The following ZMYM6 variants were observed in gnomAD, a reference collection of about 807,000 sequenced individuals.
The protein encoded by ZMYM6 is zinc finger MYM-type containing 6.
In ZMYM6, 90 loss-of-function variants were observed where a neutral mutation model predicts 134.0. The ratio of observed to expected loss-of-function variants is 0.67; its 90% CI spans 0.57 to 0.80. The LOEUF is 0.80. Among genes scored for constraint, ZMYM6 ranks in the 30% least tolerant of loss-of-function variants. The pLI, the probability that ZMYM6 is intolerant of heterozygous loss-of-function variation, is 0.00. For synonymous variants in ZMYM6, 481 were observed against 524.1 expected, an observed-to-expected ratio of 0.92 and a Z score of 1.12; for missense variants, 1,362 against 1,533.9, an observed-to-expected ratio of 0.89 and a Z score of 1.87.
intron 14 of ZMYM6, among the ~76,000 whole-genome samples, chr1:34,992,597 C>CATTTATAAATATAAATATAAAAATAT (rs1640697258): frequency 8.1e-6 from 1 of 123,240 alleles, no homozygotes; most frequent in African/African-American, 4.5e-5. Flanking sequence ...TTTTAAAAAA[C>CATTTATAAATATAAATATAAAAATAT]ATTTATAAAT....
intron 14 of ZMYM6, among the ~76,000 whole-genome samples, chr1:34,996,653 C>T (rs1447111238): frequency 1.3e-5 from 2 of 152,188 alleles, no homozygotes; most frequent in African/African-American, 2.4e-5. Context: ...ATATTTGAGA[C>T]TGCTCTATGT....
chr1:35,017,875 T>C (rs1216032025), intron 4 of ZMYM6: 1 of 152,182 alleles, frequency 6.6e-6, no homozygotes, highest in Non-Finnish European at 1.5e-5. Flanking sequence ...GTATAAGTTG[T>C]GTTATGTTCT....
chr1:35,023,619 T>TA (rs1401758537), intron 2 of ZMYM6, among the ~76,000 whole-genome samples: 15 of 150,688 alleles, frequency 1.0e-4, no homozygotes, highest in African/African-American at 3.7e-4. Context: ...TAAGATTCAA[T>TA]AAAATTTTTT....
At chr1:35,025,497 A>G (rs1476447689) in intron 2 of ZMYM6, among the ~76,000 whole-genome samples, 10 of 151,626 alleles carry the variant, frequency 6.6e-5, no homozygotes, top group Admixed American at 3.9e-4. Flanking sequence ...AAGAAAGAAA[A>G]AAAAAAGGTG....
intron 7 of ZMYM6, 54 bp from the exon 8 acceptor site, chr1:35,012,059 T>C (rs1056964507): frequency 9.1e-7 from 1 of 1,099,412 alleles, no homozygotes; most frequent in Admixed American, 2.3e-5. Context: ...GAACAAACAA[T>C]ACAAAAATGT....
intron 15 of ZMYM6, among the ~76,000 whole-genome samples, chr1:34,990,481 T>TCAAAAA (rs1441329962): frequency 1.3e-5 from 2 of 151,896 alleles, no homozygotes; most frequent in Admixed American, 6.6e-5. Flanking sequence ...AGACTCTGTC[T>TCAAAAA]CAAAAACAAA....
chr1:34,999,889 A>C (rs750353393), intron 14 of ZMYM6, among the ~76,000 whole-genome samples: 6 of 152,190 alleles, frequency 3.9e-5, no homozygotes, highest in Non-Finnish European at 8.8e-5. Context: ...CTACACACAC[A>C]GGAGACATAT....
chr1:35,027,329 G>A (rs1641432385), intron 2 of ZMYM6, among the ~76,000 whole-genome samples: 1 of 152,166 alleles, frequency 6.6e-6, no homozygotes, highest in South Asian at 2.1e-4. Flanking sequence ...AGGAAACAGG[G>A]TCTTTAAAGG....
chr1:35,021,241 A>G (rs957248561), intron 2 of ZMYM6, among the ~76,000 whole-genome samples: 1 of 150,832 alleles, frequency 6.6e-6, no homozygotes, highest in East Asian at 2.0e-4. Context: ...CCCAGGTTCA[A>G]GCGATTCTCC....
intron 14 of ZMYM6, among the ~76,000 whole-genome samples, chr1:35,002,443 T>G (rs1640896389): frequency 6.6e-6 from 1 of 152,232 alleles, no homozygotes; most frequent in Admixed American, 6.5e-5. Context: ...TTTGTCTCAC[T>G]GTCACCTCTT....
chr1:34,991,599 G>A (rs549421037), intron 15 of ZMYM6, among the ~76,000 whole-genome samples: 65 of 152,030 alleles, frequency 4.3e-4, no homozygotes, highest in Non-Finnish European at 5.3e-4. Flanking sequence ...ATGAAACCCC[G>A]TCTCTACTAA....
chr1:35,007,817 C>T (rs1195966031), intron 11 of ZMYM6, among the ~76,000 whole-genome samples: 1 of 143,182 alleles, frequency 7.0e-6, no homozygotes, highest in African/African-American at 2.5e-5. Context: ...TTCTGTCTGG[C>T]TGGGGGATGG....
chr1:34,989,058 G>A (rs1198540961), intron 15 of ZMYM6, 123 bp from the exon 16 acceptor site: 1 of 1,475,470 alleles, frequency 6.8e-7, no homozygotes, highest in Non-Finnish European at 8.9e-7. Context: ...AGAATGCACT[G>A]GTAAAAGTTT....
At position 34,987,459 on chromosome 1, in the gene ZMYM6, A is replaced by G. The variant is rs773771620; in HGVS notation, c.3623T>C (p.Leu1208Ser). 2.5e-6 allele frequency: 4 copies of G among 1,613,906 alleles called. No individual in the cohort carries two copies. The Admixed American group carries it at 6.7e-5, about 27-fold the overall frequency. Residue 1208 changes from leucine to serine, a missense_variant, in exon 16 of 16, where the codon TTG becomes TCG. By Grantham distance (145) the Leu-to-Ser change is moderately radical. Transcript: ENST00000357182. The stretch of plus-strand genomic sequence containing the variant: ...AATTATCCACAAATTTCCTGAACGC[A>G]AGTCTTGTTCTGGTGGAAAACAGTC... ...FSDCFPPEQD[L>S]RSGNLWIIHP...
intron 6 of ZMYM6, chr1:35,013,269 G>A (rs1238364473): frequency 1.2e-6 from 1 of 807,008 alleles, no homozygotes; most frequent in Non-Finnish European, 1.5e-6. Context: ...TAAATTAACA[G>A]ATGAGCAGAA....
chr1:35,030,601 C>G lies in ZMYM6; in HGVS notation c.39G>C (p.Val13=). Residue 13 remains valine (V), a synonymous_variant, in exon 2 of 16, where the codon GTG becomes GTC. Coordinates refer to ENST00000357182, the MANE Select transcript of ZMYM6 (RefSeq NM_007167.4). ...EPLDGECGKA[V]VPQQELLDKI... is the part of the protein sequence containing the mutation. ...TGTCCAGAAGCTCCTGCTGTGGTAC[C>G]ACTGCTTTGCCACATTCACCATCCA... is the stretch of plus-strand genomic sequence containing the variant. 6.2e-7 allele frequency: 1 copy of G among 1,613,714 alleles called. No individual in the cohort carries two copies. The highest frequency in any genetic ancestry group is 8.5e-7 in the Non-Finnish European group (1 of 1,179,996).
rs1361930549 is a variant in ZMYM6 at position 34,987,167 on chromosome 1, G to C, written c.3915C>G (p.Ala1305=). ...KQKNLLGSGP[A]LRLAVTSLIP... is the part of the protein sequence containing the mutation. ...TTAAAGATGTGACTGCAAGTCTTAG[G>C]GCAGGGCCAGAACCCAACAGATTTT... Residue 1305 remains alanine (A), a synonymous_variant, in exon 16 of 16, where the codon GCC becomes GCG. Coordinates refer to ENST00000357182, the MANE Select transcript of ZMYM6 (RefSeq NM_007167.4). The C allele has an allele frequency of 1.2e-6, 2 of 1,602,494 alleles. No individual in the cohort carries two copies. Among genetic ancestry groups the C allele is most frequent in the Admixed American group, 3.5e-5 (2 of 57,136 alleles).
chr1:34,998,708 T>C (rs1392075721), intron 14 of ZMYM6, among the ~76,000 whole-genome samples: 2 of 152,144 alleles, frequency 1.3e-5, no homozygotes, highest in Non-Finnish European at 2.9e-5. Flanking sequence ...CTGTTAATCA[T>C]ATAAGTGTAA....
intron 13 of ZMYM6, 85 bp downstream of exon 13, chr1:35,005,047 A>G (rs1197595653): frequency 1.3e-6 from 2 of 1,499,196 alleles, no homozygotes; most frequent in East Asian, 4.6e-5. Context: ...AACAAGAGTG[A>G]AACTGTCTCA....
Sources: allele counts gnomAD v4.1 joint callset (sites outside exome capture counted in the v4.1 genomes callset), GRCh38; gene constraint gnomAD v4.1.1; transcripts MANE v1.5; gene names NCBI Gene and HGNC (gene_info 2026-07-23, HGNC 2026-07-21).